The following PRDM5 variants were observed in gnomAD, a reference collection of about 807,000 sequenced individuals.
PRDM5 encodes the protein PR/SET domain 5, also known as PR domain zinc finger protein 5.
Under a neutral mutation model 81.2 loss-of-function variants are expected in PRDM5, and 56 were observed. The ratio of observed to expected loss-of-function variants is 0.69; its 90% CI spans 0.56 to 0.86. The LOEUF (loss-of-function observed/expected upper bound fraction) is 0.86, where lower values mean the gene tolerates loss of function less well. PRDM5 is among the 40% of genes least tolerant of loss of function. The probability of loss-of-function intolerance (pLI) is 0.00; values close to 1 mark genes in which losing one functional copy is unlikely to be tolerated. For missense variants in PRDM5, 697 were observed against 770.1 expected (o/e 0.91, Z 1.12); for synonymous variants, 267 against 256.4 (o/e 1.04, Z -0.39).
At chr4:120,889,574 T>C (rs778470634) in intron 2 of PRDM5, among the ~76,000 whole-genome samples, 3 of 152,204 alleles carry the variant, frequency 2.0e-5, no homozygotes, top group Non-Finnish European at 4.4e-5. Context: ...GGAGATTGCA[T>C]CTTTTTTTAA....
At chr4:120,902,834 G>T (rs568633820) in intron 2 of PRDM5, among the ~76,000 whole-genome samples, 1 of 152,292 alleles carries the variant, frequency 6.6e-6, no homozygotes, top group Admixed American at 6.5e-5. Flanking sequence ...GTTCTAAGCT[G>T]CACCTTTGGA....
At chr4:120,706,519 G>A (rs1736173410) in intron 15 of PRDM5, among the ~76,000 whole-genome samples, 1 of 152,000 alleles carries the variant, frequency 6.6e-6, no homozygotes, top group Non-Finnish European at 1.5e-5. Flanking sequence ...TCAGTTTGGA[G>A]TACAAGAGAG....
chr4:120,770,353 T>A (rs1279841927), intron 13 of PRDM5, among the ~76,000 whole-genome samples: 1 of 152,092 alleles, frequency 6.6e-6, no homozygotes, highest in Non-Finnish European at 1.5e-5. Flanking sequence ...AATATGAAAA[T>A]TTCAAACATG....
At chr4:120,881,850 A>G (rs1157263179) in intron 2 of PRDM5, among the ~76,000 whole-genome samples, 1 of 152,210 alleles carries the variant, frequency 6.6e-6, no homozygotes, top group Admixed American at 6.5e-5. Flanking sequence ...TCTAATGTTC[A>G]CTTTTAGGCT....
chr4:120,921,443 T>C (rs1724900071), intron 1 of PRDM5, among the ~76,000 whole-genome samples: 1 of 152,196 alleles, frequency 6.6e-6, no homozygotes, highest in African/African-American at 2.4e-5. Flanking sequence ...GATCATGTTG[T>C]CAGTGGAGCC....
chr4:120,685,547 T>C (rs1189063281), intron 1 of PRDM5, among the ~76,000 whole-genome samples: 2 of 152,088 alleles, frequency 1.3e-5, no homozygotes, highest in Non-Finnish European at 2.9e-5. Context: ...CTTCAGGGTG[T>C]AAGCTGGAAT....
At chr4:120,898,337 A>G (rs1764879033) in intron 2 of PRDM5, among the ~76,000 whole-genome samples, 1 of 152,150 alleles carries the variant, frequency 6.6e-6, no homozygotes, top group Non-Finnish European at 1.5e-5. Context: ...CAGCTTCATA[A>G]TTCTGCAAAT....
intron 11 of PRDM5, 74 bp from the exon 12 acceptor site, chr4:120,781,377 A>C: frequency 7.3e-7 from 1 of 1,371,352 alleles, no homozygotes; most frequent in Non-Finnish European, 1.0e-6. Context: ...TGCCAGACTT[A>C]GTTGCTTTCT....
chr4:120,728,450 CATAT>C (rs904988419), intron 14 of PRDM5, among the ~76,000 whole-genome samples: 5 of 151,946 alleles, frequency 3.3e-5, no homozygotes, highest in African/African-American at 1.2e-4. Flanking sequence ...TGTATATATA[CATAT>C]ATATATTTTT....
intron 5 of PRDM5, among the ~76,000 whole-genome samples, chr4:120,818,010 T>A (rs1754769377): frequency 6.6e-6 from 1 of 152,246 alleles, no homozygotes; most frequent in Non-Finnish European, 1.5e-5. Flanking sequence ...TAAAAGTCTG[T>A]TACCTCAAAG....
At chr4:120,770,463 T>C (rs1254185228) in intron 13 of PRDM5, among the ~76,000 whole-genome samples, 1 of 89,336 alleles carries the variant, frequency 1.1e-5, no homozygotes, top group African/African-American at 3.9e-5. Flanking sequence ...TTCTCATTTC[T>C]CTTTTTTTTT....
Position 120,746,949 on chromosome 4 carries a change from G to T in PRDM5, c.1623+7604C>A, listed in dbSNP as rs1037880682. 5.3e-5 allele frequency among the ~76,000 whole-genome samples: 8 copies of T among 151,164 alleles called. No individual in the cohort carries two copies. In the East Asian group the frequency reaches 1.4e-3, roughly 26 times the overall value. On this transcript the variant is annotated intron_variant, in intron 14 of 15. Coordinates refer to ENST00000264808, the MANE Select transcript of PRDM5 (RefSeq NM_018699.4). Reference sequence around the variant, plus strand: ...CCATTACTGGGTATATACCCAAAGGGCTATAAATCATGCTGCTATAAAGAC... The same window carrying T: ...CCATTACTGGGTATATACCCAAAGGTCTATAAATCATGCTGCTATAAAGAC...
intron 8 of PRDM5, among the ~76,000 whole-genome samples, chr4:120,810,210 T>C (rs903143593): frequency 5.3e-5 from 8 of 152,166 alleles, no homozygotes; most frequent in African/African-American, 1.4e-4. Context: ...TTGCTCTATT[T>C]GGTAAAATAG....
At position 120,811,417 on chromosome 4, in the gene PRDM5, A is replaced by G. The variant is rs777726075; in HGVS notation, c.898T>C (p.Cys300Arg). The change falls in exon 8 of 16, where the codon TGC becomes CGC. Residue 300 changes from cysteine to arginine, a missense_variant. This residue lies in a region of PRDM5 where 577 missense variants were observed against 606.7 expected (regional missense o/e 0.95). Transcript: ENST00000264808. ...GATGCTGAAGAACACTTTTTATTGC[A>G]CACTGAACATATAAGCTTTTTCTTA... ...DPKKKLICSVCNKKCSSASSL... is the reference protein window; with the variant it reads ...DPKKKLICSVRNKKCSSASSL... The G allele has an allele frequency of 2.6e-5, 41 of 1,602,744 alleles. No homozygotes were observed. Among genetic ancestry groups the G allele is most frequent in the Non-Finnish European group, 3.2e-5 (37 of 1,171,740 alleles).
chr4:120,817,526 T>G (rs754434589), intron 5 of PRDM5, among the ~76,000 whole-genome samples: 69 of 110,632 alleles, frequency 6.2e-4, no homozygotes, highest in Non-Finnish European at 5.1e-4. Flanking sequence ...AGAGAAGAGA[T>G]ATGTTGATGA....
intron 14 of PRDM5, among the ~76,000 whole-genome samples, chr4:120,722,569 T>C (rs776238339): frequency 2.6e-5 from 4 of 152,100 alleles, no homozygotes; most frequent in Non-Finnish European, 5.9e-5. Flanking sequence ...AAAATGCTGA[T>C]GCCTACCCCC....
intron 1 of PRDM5, among the ~76,000 whole-genome samples, chr4:120,908,773 C>T (rs978957848): frequency 7.2e-5 from 11 of 152,166 alleles, no homozygotes; most frequent in African/African-American, 1.9e-4. Context: ...GGAGATTGCT[C>T]ACTATTCATA....
chr4:120,893,891 T>G (rs1022982610), intron 2 of PRDM5, among the ~76,000 whole-genome samples: 1 of 152,198 alleles, frequency 6.6e-6, no homozygotes, highest in Non-Finnish European at 1.5e-5. Context: ...TGTTTCATTC[T>G]TTTATTTTCA....
chr4:120,911,618 A>T (rs575777839), intron 1 of PRDM5, among the ~76,000 whole-genome samples: 1 of 152,334 alleles, frequency 6.6e-6, no homozygotes, highest in South Asian at 2.1e-4. Flanking sequence ...AACAAGATTC[A>T]CTGCAGATAT....
Sources: allele counts gnomAD v4.1 joint callset (sites outside exome capture counted in the v4.1 genomes callset), GRCh38; gene constraint gnomAD v4.1.1; regional missense constraint gnomAD v4.1.1; transcripts MANE v1.5; gene names NCBI Gene and HGNC (gene_info 2026-07-23, HGNC 2026-07-21).